The following PCSK4 variants were observed in gnomAD, a reference collection of about 807,000 sequenced individuals.
The protein encoded by PCSK4 is proprotein convertase subtilisin/kexin type 4.
PCSK4 carries 64 observed loss-of-function variants against 80.3 expected under a neutral mutation model. The ratio of observed to expected loss-of-function variants is 0.80; its 90% CI spans 0.65 to 0.98. PCSK4 has a LOEUF of 0.98. PCSK4 is among the 50% of genes least tolerant of loss of function. The pLI is 0.00. For missense variants in PCSK4, 1,213 were observed against 1,093.6 expected (o/e 1.11, Z -1.54); for synonymous variants, 561 against 487.6 (o/e 1.15, Z -1.98).
At chr19:1,488,081 G>C (rs1568221647) in exon 4 of PCSK4, 2 of 1,613,070 alleles carry the variant, frequency 1.2e-6, no homozygotes, top group Non-Finnish European at 1.7e-6. Context: ...GGTCTGGTTG[G>C]GCCTCGCTGT....
chr19:1,487,742 G>A (rs1418298703), intron 5 of PCSK4, 43 bp downstream of exon 5: 12 of 1,543,504 alleles, frequency 7.8e-6, no homozygotes, highest in East Asian at 2.4e-5. Flanking sequence ...TCCCCCTGCC[G>A]GGTACTGGGG....
rs191956644 is a variant in PCSK4, at chr19:1,487,745, T to C, written c.593+40A>G. Reference sequence around the variant, plus strand: ...TCACGGCCTCCATCCCCCTGCCGGGTACTGGGGCTTCCCCCGTGTGCTGTG... The same window carrying C: ...TCACGGCCTCCATCCCCCTGCCGGGCACTGGGGCTTCCCCCGTGTGCTGTG... On this transcript the variant is annotated intron_variant, in intron 5 of 14. Transcript: ENST00000300954. The C allele has an allele frequency of 1.6e-4, 253 of 1,546,324 alleles. 5 individuals are homozygous for C. In the East Asian group the frequency reaches 3.5e-3, roughly 21 times the overall value.
upstream of PCSK4, chr19:1,490,704 G>A (rs791470): frequency 0.41 from 112,036 of 272,404 alleles, 26,085 homozygotes; most frequent in African/African-American, 0.72. Flanking sequence ...CCGGCCTCCT[G>A]TCCGGCCTAA....
In PCSK4 at chr19:1,483,950, G is replaced by A. The variant is rs1326742902; in HGVS notation, c.1170-9C>T. 2.1e-6 allele frequency: 3 copies of A among 1,422,734 alleles called. No individual in the cohort carries two copies. Among genetic ancestry groups the A allele is most frequent in the Non-Finnish European group, 2.8e-6 (3 of 1,090,772 alleles). The allele number at this position is 1,422,734 out of a possible 1,614,324, so 88.1% of individuals were successfully genotyped here. ...TCCACGTCAGGAACGGGCTGCGGGG[G>A]GCGGGGGCGGGGGCGGGTGAGCCGC... On this transcript the variant is annotated splice_polypyrimidine_tract_variant and intron_variant, in intron 9 of 14. Transcript: ENST00000300954.
chr19:1,489,664 C>T (rs958163625), intron 2 of PCSK4, 129 bp downstream of exon 2: 4 of 1,452,290 alleles, frequency 2.8e-6, no homozygotes, highest in Non-Finnish European at 3.7e-6. Flanking sequence ...GACTTGGGGC[C>T]CGGGCGGGTC....
At chr19:1,483,507 G>C in intron 11 of PCSK4, 44 bp from the exon 12 acceptor site, 3 of 1,453,620 alleles carry the variant, frequency 2.1e-6, no homozygotes, top group Non-Finnish European at 1.9e-6. Context: ...GCCTGCTGGG[G>C]GGTGGGTGGG....
intron 2 of PCSK4, among the ~76,000 whole-genome samples, chr19:1,489,098 C>T (rs1043313856): frequency 2.0e-5 from 3 of 151,560 alleles, no homozygotes; most frequent in Admixed American, 6.6e-5. Flanking sequence ...ACACTGCGTC[C>T]TGAGGGCCAC....
At chr19:1,483,490 T>G in intron 11 of PCSK4, 27 bp from the exon 12 acceptor site, 4 of 1,106,986 alleles carry the variant, frequency 3.6e-6, no homozygotes, top group South Asian at 1.3e-5. Flanking sequence ...GTGAGGACCC[T>G]CCTGCGGCCT....
In PCSK4 at chr19:1,483,034, G is replaced by T; in HGVS notation, c.1572-14C>A. ...ACGTCCAAGGGTCTGGGACAGAAGG[G>T]TGGGTGGGGGTGGGGGTGTCAAGAG... On this transcript the variant is annotated splice_polypyrimidine_tract_variant and intron_variant, in intron 12 of 14. Coordinates refer to ENST00000300954, the Ensembl canonical transcript of PCSK4. The T allele has an allele frequency of 1.3e-6, 2 of 1,494,998 alleles. No individual in the cohort carries two copies. The highest frequency in any genetic ancestry group is 1.3e-5 in the South Asian group (1 of 75,566). The allele number at this position is 1,494,998 out of a possible 1,614,324, so 92.6% of individuals were successfully genotyped here. A position where few individuals can be genotyped will look rare whatever the true frequency, so the allele number is the denominator to read the frequency against.
chr19:1,488,345 G>A (rs1056866984), intron 2 of PCSK4, 65 bp from the exon 3 acceptor site: 5 of 1,248,562 alleles, frequency 4.0e-6, no homozygotes, highest in Non-Finnish European at 5.7e-6. Flanking sequence ...GTGGTTCAGG[G>A]AGTGAGGCAG....
chr19:1,488,263 C>A, exon 3 of PCSK4: 1 of 1,613,230 alleles, frequency 6.2e-7, no homozygotes, highest in Non-Finnish European at 8.5e-7. Context: ...GCAGCGTCTG[C>A]TGCTGGAACC....
intron 6 of PCSK4, 127 bp downstream of exon 6, chr19:1,487,476 A>T (rs1165183816): frequency 2.0e-6 from 2 of 1,010,036 alleles, no homozygotes; most frequent in Non-Finnish European, 2.9e-6. Flanking sequence ...CAAGCCCTGG[A>T]GTCTGGGGCC....
intron 8 of PCSK4, 39 bp downstream of exon 8, chr19:1,486,814 G>T: frequency 6.6e-7 from 1 of 1,517,666 alleles, no homozygotes; most frequent in East Asian, 2.3e-5. Flanking sequence ...GGGATGGCAG[G>T]GCCTGGGGAG....
At position 1,488,620 on chromosome 19, in the gene PCSK4, G is replaced by A. The variant is rs141404644; in HGVS notation, c.295-340C>T. ...TTTTGAGACAGAGTCTTGTTCTGTC[G>A]CCCAGGCTGGGGTGCAGTGGCGCAA... On this transcript the variant is annotated intron_variant, in intron 2 of 14. Coordinates refer to ENST00000300954, the Ensembl canonical transcript of PCSK4. 3.7e-3 allele frequency among the ~76,000 whole-genome samples: 554 copies of A among 151,214 alleles called. 1 individual carries two copies. Among genetic ancestry groups the A allele is most frequent in the Non-Finnish European group, 5.5e-3 (372 of 67,792 alleles).
exon 3 of PCSK4, chr19:1,488,245 C>G (rs563443061): frequency 1.2e-6 from 2 of 1,613,522 alleles, no homozygotes; most frequent in South Asian, 2.2e-5. Context: ...AGCGTTTCAC[C>G]CGCCGCTGCA....
intron 12 of PCSK4, 119 bp from the exon 13 acceptor site, chr19:1,483,139 G>A (rs1401640132): frequency 3.2e-6 from 4 of 1,244,634 alleles, no homozygotes; most frequent in South Asian, 3.0e-5. Context: ...CTGGGTGTGG[G>A]TGAGGGTGTG....
At chr19:1,487,802 G>C (rs768282158) in exon 5 of PCSK4, 1 of 1,577,824 alleles carries the variant, frequency 6.3e-7, no homozygotes, top group Non-Finnish European at 8.6e-7. Flanking sequence ...CTTTGCTGGG[G>C]GTGTAGCGGG....
At chr19:1,483,902 G>C in exon 10 of PCSK4, 1 of 1,489,816 alleles carries the variant, frequency 6.7e-7, no homozygotes. Context: ...TGGACGCGCG[G>C]ACCACCAGGT....
intron 11 of PCSK4, 30 bp from the exon 12 acceptor site, chr19:1,483,493 TGCGGCCTGCTGGGGGGTGGGTGG>T: frequency 9.0e-7 from 1 of 1,105,886 alleles, no homozygotes; most frequent in Non-Finnish European, 1.3e-6. Flanking sequence ...AGGACCCTCC[TGCGGCCTGCTGGGGGGTGGGTGG>T]GCGGCCAGCA....
Sources: gnomAD v4.1 joint callset for allele counts (sites outside exome capture counted in the v4.1 genomes callset) on GRCh38, gnomAD v4.1.1 for gene constraint, MANE v1.5 for transcripts, NCBI Gene and HGNC (gene_info 2026-07-23, HGNC 2026-07-21) for gene names.